SKI: variants seen among roughly 807,000 people sequenced by gnomAD.
SKI encodes SKI proto-oncogene, also known as ski oncogene.
SKI carries 23 observed loss-of-function variants against 59.3 expected under a neutral mutation model. The observed-to-expected ratio is 0.39, with a 90% CI of 0.28 to 0.55. The LOEUF is 0.55. Ranked by LOEUF, SKI falls within the 20% of genes least tolerant of loss-of-function variation. The pLI, the probability that SKI is intolerant of heterozygous loss-of-function variation, is 0.67. For synonymous variants in SKI, 673 were observed against 488.6 expected (o/e 1.38, Z -4.98); for missense variants, 1,017 against 1,038.9 (o/e 0.98, Z 0.29).
At chr1:2,262,682 G>A (rs1351664037) in intron 1 of SKI, among the ~76,000 whole-genome samples, 4 of 152,262 alleles carry the variant, frequency 2.6e-5, no homozygotes, top group African/African-American at 7.2e-5. Flanking sequence ...CCCAGAATAC[G>A]GTTCCTAGTT....
Position 2,229,027 on chromosome 1 carries a change from C to T in SKI, c.261C>T (p.Pro87=), listed in dbSNP as rs1257107710. Residue 87 remains proline (P), a synonymous_variant, in exon 1 of 7, where the codon CCC becomes CCT. Coordinates refer to ENST00000378536, the MANE Select transcript of SKI (RefSeq NM_003036.4). The surrounding 1 kb of genome is among the most constrained non-coding windows in gnomAD (Gnocchi z 6.3). ...TCCAGCCGCCGCCGCCCGTGCTGCC[C>T]GGGCCCTTCTTCATGCCGTCCGACC... ...PAIQPPPPVL[P]GPFFMPSDRS... is the part of the protein sequence containing the mutation. 1.3e-5 allele frequency: 20 copies of T among 1,597,810 alleles called. No individual in the cohort carries two copies. Among genetic ancestry groups the T allele is most frequent in the Middle Eastern group, 3.4e-4 (2 of 5,910 alleles).
chr1:2,232,762 T>C (rs1273724633), intron 1 of SKI: 1 of 152,360 alleles, frequency 6.6e-6, no homozygotes, highest in Non-Finnish European at 1.5e-5. Flanking sequence ...TTTGTGACCT[T>C]GGACGAGTTG....
chr1:2,289,625 G>GT (rs1640119491), intron 1 of SKI, among the ~76,000 whole-genome samples: 1 of 150,276 alleles, frequency 6.7e-6, no homozygotes, highest in South Asian at 2.1e-4. Context: ...GATCGTGGGG[G>GT]TGGGGGTGCA....
intron 1 of SKI, among the ~76,000 whole-genome samples, chr1:2,233,849 G>C (rs1168302155): frequency 6.6e-6 from 1 of 152,188 alleles, no homozygotes; most frequent in Non-Finnish European, 1.5e-5. Context: ...ACAGCATCAA[G>C]AGTTTCTTTC....
chr1:2,285,169 A>T (rs894225803), intron 1 of SKI, among the ~76,000 whole-genome samples: 1 of 151,998 alleles, frequency 6.6e-6, no homozygotes, highest in Admixed American at 6.6e-5. Flanking sequence ...ATCTGCCCTG[A>T]CGTCAGCTGC....
At position 2,304,038 on chromosome 1, in the gene SKI, C is replaced by T. The variant is rs150985728; in HGVS notation, c.1410C>T (p.Pro470=). 5.6e-4 allele frequency: 901 copies of T among 1,612,438 alleles called. 4 individuals are homozygous for T. The African/African-American group carries it at 0.01, about 18-fold the overall frequency. ...DTPGAPETLA[P]VAAPEEDKDS... is the part of the protein sequence containing the mutation. ...CAGGAGCCCCAGAGACGCTGGCGCCCGTGGCTGCCCCAGAGGAGGACAAGG... is the reference window on the plus strand; with the variant it reads ...CAGGAGCCCCAGAGACGCTGGCGCCTGTGGCTGCCCCAGAGGAGGACAAGG... Residue 470 remains proline, a synonymous_variant, in exon 4 of 7, where the codon CCC becomes CCT. Coordinates refer to ENST00000378536, the MANE Select transcript of SKI (RefSeq NM_003036.4).
intron 1 of SKI, among the ~76,000 whole-genome samples, chr1:2,279,556 GACA>G (rs1334897625): frequency 2.0e-5 from 3 of 152,096 alleles, no homozygotes; most frequent in African/African-American, 4.8e-5. Context: ...CCCCTCCTCT[GACA>G]ACAGCTCCAG....
intron 1 of SKI, among the ~76,000 whole-genome samples, chr1:2,273,970 G>A (rs990094593): frequency 5.3e-5 from 8 of 152,112 alleles, no homozygotes; most frequent in Non-Finnish European, 1.2e-4. Flanking sequence ...CAGGATGGCA[G>A]CCCCACAACA....
chr1:2,291,051 C>T (rs1373100751), intron 1 of SKI, among the ~76,000 whole-genome samples: 1 of 152,324 alleles, frequency 6.6e-6, no homozygotes, highest in African/African-American at 2.4e-5. Context: ...CAGGAGCGTC[C>T]GGGGAGGGAG....
At position 2,229,582 on chromosome 1, in the gene SKI, C is replaced by T; in HGVS notation, c.816C>T (p.Cys272=). The stretch of plus-strand genomic sequence containing the variant: ...ACAAGGCCCTGGAGAACCGGACCTG[C>T]CACTGGGGCTTCGACTCGGCCAACT... ...HSHKALENRT[C]HWGFDSANWR... The change falls in exon 1 of 7, where the codon TGC becomes TGT. Residue 272 remains cysteine (C), a synonymous_variant. Coordinates refer to ENST00000378536, the MANE Select transcript of SKI (RefSeq NM_003036.4). This position sits in a 1 kb window ranked among gnomAD's most constrained non-coding sequence, Gnocchi z 6.3. 6.2e-7 allele frequency: 1 copy of T among 1,612,306 alleles called. No individual in the cohort carries two copies. The highest frequency in any genetic ancestry group is 1.1e-5 in the South Asian group (1 of 91,090).
At chr1:2,273,309 C>T (rs901486430) in intron 1 of SKI, among the ~76,000 whole-genome samples, 4 of 152,088 alleles carry the variant, frequency 2.6e-5, no homozygotes, top group Admixed American at 1.3e-4. Context: ...GGCCACTCCT[C>T]CTTCCCGCCA....
At chr1:2,293,489 G>A (rs1232737741) in intron 1 of SKI, among the ~76,000 whole-genome samples, 2 of 150,004 alleles carry the variant, frequency 1.3e-5, no homozygotes, top group Non-Finnish European at 1.5e-5. Context: ...ACATTTGGCC[G>A]TCCCCTTTTC....
rs1213445279 is a variant in SKI, at chr1:2,228,472, G to C, written c.-295G>C. The stretch of plus-strand genomic sequence containing the variant: ...GGGCATGCCCCGCGCCTAGAGCCCG[G>C]GGGGCGCGCGGGGGACGCGCGGGGG... On this transcript the variant is annotated 5_prime_UTR_variant, in exon 1 of 7. Coordinates refer to ENST00000378536, the MANE Select transcript of SKI (RefSeq NM_003036.4). Among the ~76,000 whole-genome samples, 1 of 143,168 alleles carries C rather than the reference G, an allele frequency of 7.0e-6. No individual in the cohort carries two copies. Among genetic ancestry groups the C allele is most frequent in the Non-Finnish European group, 1.5e-5 (1 of 64,610 alleles). The allele number at this position is 143,168 out of a possible 152,430, so 93.9% of individuals were successfully genotyped here.
chr1:2,295,758 A>G (rs1264780590), intron 1 of SKI, among the ~76,000 whole-genome samples: 1 of 152,134 alleles, frequency 6.6e-6, no homozygotes, highest in African/African-American at 2.4e-5. Flanking sequence ...GTCCGGCCTC[A>G]GCACAGTATT....
intron 1 of SKI, among the ~76,000 whole-genome samples, chr1:2,266,785 G>C (rs1213887123): frequency 1.3e-5 from 2 of 152,140 alleles, no homozygotes; most frequent in African/African-American, 4.8e-5. Flanking sequence ...TGGTGCTGTC[G>C]TCACAGCGGC....
intron 1 of SKI, among the ~76,000 whole-genome samples, chr1:2,231,222 T>C (rs1045394944): frequency 6.6e-6 from 1 of 150,648 alleles, no homozygotes; most frequent in South Asian, 2.1e-4. Flanking sequence ...GGAAGCCACA[T>C]GTCGGGGGGG....
chr1:2,273,492 T>TGATGGAAACAGACA lies in SKI; in HGVS notation c.970-29477_970-29476insAGACAGATGGAAAC, dbSNP rs549393503. 2.0e-4 allele frequency among the ~76,000 whole-genome samples: 30 copies of TGATGGAAACAGACA among 152,122 alleles called. No individual in the cohort carries two copies. In the East Asian group the frequency reaches 5.4e-3, roughly 28 times the overall value. ...TGGCTGCCATGCCTCATTCTGTCTG[T>TGATGGAAACAGACA]GATGGAAACGGGAGGGCCTGGCCCT... On this transcript the variant is annotated intron_variant, in intron 1 of 6. Coordinates refer to ENST00000378536, the MANE Select transcript of SKI (RefSeq NM_003036.4).
intron 6 of SKI, 102 bp from the exon 7 acceptor site, chr1:2,306,475 G>A: frequency 7.9e-7 from 1 of 1,259,918 alleles, no homozygotes; most frequent in Non-Finnish European, 1.1e-6. Context: ...CGCGGCACTG[G>A]GGAGGGACAG....
In SKI at chr1:2,269,700, GT is replaced by G. The variant is rs1382140535; in HGVS notation, c.970-33277del. Among the ~76,000 whole-genome samples, 1 of 152,264 alleles carries G rather than the reference GT, an allele frequency of 6.6e-6. No individual in the cohort carries two copies. The highest frequency in any genetic ancestry group is 1.9e-4 in the East Asian group (1 of 5,192). The stretch of plus-strand genomic sequence containing the variant: ...AAGCCAGCCTTGGGCACCAGGGACA[GT>G]GGGGACGTGGCTGTGCACCGGGCCC... On this transcript the variant is annotated intron_variant, in intron 1 of 6. Transcript: ENST00000378536. This position sits in a 1 kb window ranked among gnomAD's most constrained non-coding sequence, Gnocchi z 4.7.
Sources: allele counts gnomAD v4.1 joint callset (sites outside exome capture counted in the v4.1 genomes callset), GRCh38; gene constraint gnomAD v4.1.1; non-coding constraint Gnocchi (gnomAD v3.1); transcripts MANE v1.5; gene names NCBI Gene and HGNC (gene_info 2026-07-23, HGNC 2026-07-21).